The following ZNF227 variants were observed in gnomAD, a reference collection of about 807,000 sequenced individuals.
ZNF227 encodes zinc finger protein 227.
A neutral mutation model predicts 13.2 loss-of-function variants in ZNF227; 12 were observed. The ratio of observed to expected loss-of-function variants is 0.91; its 90% CI spans 0.58 to 1.47. ZNF227 has a LOEUF of 1.47. Among genes scored for constraint, ZNF227 ranks in the 40% most tolerant of loss-of-function variants. The pLI is 0.00. For missense variants in ZNF227, 885 were observed against 967.5 expected, an observed-to-expected ratio of 0.91 and a Z score of 1.13; for synonymous variants, 338 against 326.0, an observed-to-expected ratio of 1.04 and a Z score of -0.40.
intron 4 of ZNF227, 146 bp downstream of exon 4, chr19:44,228,718 TTTTCTGGTC>T: frequency 9.5e-7 from 1 of 1,050,584 alleles, no homozygotes; most frequent in Non-Finnish European, 1.3e-6. Flanking sequence ...CAGGATAGGT[TTTTCTGGTC>T]TTTCTGCTCA....
intron 3 of ZNF227, among the ~76,000 whole-genome samples, chr19:44,227,595 A>G (rs997019892): frequency 6.6e-6 from 1 of 152,204 alleles, no homozygotes; most frequent in Non-Finnish European, 1.5e-5. Context: ...TCTGTTGCCC[A>G]GGCTGAAGTG....
chr19:44,235,266 G>C lies in ZNF227; in HGVS notation c.836G>C (p.Ser279Thr), dbSNP rs1243705748. ...GTTCATACAGGAGAAAAATGCTTCA[G>C]TCAAAGCTCACATCTGCGAACTCAT... is the stretch of plus-strand genomic sequence containing the variant. Reference protein sequence around the residue: ...PNVHTGEKCFSQSSHLRTHQR... With the variant: ...PNVHTGEKCFTQSSHLRTHQR... Residue 279 changes from serine (S) to threonine (T), a missense_variant, in exon 6 of 6, where the codon AGT becomes ACT. Coordinates refer to ENST00000313040, the MANE Select transcript of ZNF227 (RefSeq NM_182490.3). 1.9e-6 allele frequency: 3 copies of C among 1,614,060 alleles called. No individual in the cohort carries two copies. Among genetic ancestry groups the C allele is most frequent in the Non-Finnish European group, 2.5e-6 (3 of 1,180,006 alleles).
upstream of ZNF227, among the ~76,000 whole-genome samples, chr19:44,209,867 T>A (rs967459431): frequency 2.0e-5 from 3 of 152,352 alleles, no homozygotes; most frequent in South Asian, 4.1e-4. Context: ...ATTACAGGCG[T>A]GAGCCACAGA....
chr19:44,220,955 T>C (rs1013641176), intron 3 of ZNF227, among the ~76,000 whole-genome samples: 51 of 152,208 alleles, frequency 3.4e-4, no homozygotes, highest in African/African-American at 1.2e-3. Flanking sequence ...TGATTTCCAA[T>C]TTCATCCATG....
At chr19:44,214,724 T>C (rs980921054) in intron 2 of ZNF227, among the ~76,000 whole-genome samples, 18 of 152,012 alleles carry the variant, frequency 1.2e-4, no homozygotes, top group African/African-American at 4.3e-4. Flanking sequence ...GTGCAGTGAA[T>C]TCCACGTAAC....
chr19:44,226,947 T>C (rs975186021), intron 3 of ZNF227, among the ~76,000 whole-genome samples: 5 of 152,162 alleles, frequency 3.3e-5, no homozygotes, highest in Non-Finnish European at 2.9e-5. Flanking sequence ...AAAGTAAATA[T>C]TCTATGACTT....
At chr19:44,233,715 G>A (rs1974106235) in intron 5 of ZNF227, among the ~76,000 whole-genome samples, 1 of 152,046 alleles carries the variant, frequency 6.6e-6, no homozygotes, top group Admixed American at 6.6e-5. Flanking sequence ...GGCCAACATG[G>A]CAAAACCCCA....
chr19:44,213,914 T>C (rs1328109758), intron 2 of ZNF227, among the ~76,000 whole-genome samples: 3 of 152,254 alleles, frequency 2.0e-5, no homozygotes, highest in African/African-American at 7.2e-5. Flanking sequence ...AGAGATGCAC[T>C]ATCCAATCCA....
chr19:44,235,800 T>G lies in ZNF227; in HGVS notation c.1370T>G (p.Val457Gly). 1 of 1,612,886 alleles carries G rather than the reference T, an allele frequency of 6.2e-7. No homozygotes were observed. Among genetic ancestry groups the G allele is most frequent in the Non-Finnish European group, 8.5e-7 (1 of 1,179,800 alleles). ...TCACCATTAATATGCCATCGGAGAG[T>G]CCACACAGGAGAGAAGCCATACAAG... Reference protein sequence around the residue: ...HNSPLICHRRVHTGEKPYKCE... With the variant: ...HNSPLICHRRGHTGEKPYKCE... Residue 457 changes from valine (V) to glycine (G), a missense_variant, in exon 6 of 6, where the codon GTC (valine) becomes GGC (glycine). Coordinates refer to ENST00000313040, the MANE Select transcript of ZNF227 (RefSeq NM_182490.3).
chr19:44,219,383 G>A (rs1160290792), intron 3 of ZNF227, among the ~76,000 whole-genome samples: 1 of 152,150 alleles, frequency 6.6e-6, no homozygotes, highest in Non-Finnish European at 1.5e-5. Flanking sequence ...CAGCAAACCG[G>A]TGGCATATAC....
upstream of ZNF227, among the ~76,000 whole-genome samples, chr19:44,210,331 A>G (rs1971309945): frequency 6.6e-6 from 1 of 152,238 alleles, no homozygotes; most frequent in South Asian, 2.1e-4. Flanking sequence ...TAGGGTAGTC[A>G]TGAATCAGGC....
intron 3 of ZNF227, among the ~76,000 whole-genome samples, chr19:44,221,795 T>A (rs1333710907): frequency 6.6e-6 from 1 of 152,248 alleles, no homozygotes; most frequent in Non-Finnish European, 1.5e-5. Context: ...TTTTGGCTTT[T>A]GTTGCCATTG....
rs201425894 is a variant in ZNF227, at chr19:44,233,890, G to GT, written c.272-806dup. ...AGCCTGGGCGACAGAGCGAGACGCT[G>GT]TTTTTTAAAAAAAAAATGGCGTATG... is the stretch of plus-strand genomic sequence containing the variant. On this transcript the variant is annotated intron_variant, in intron 5 of 5. Coordinates refer to ENST00000313040, the MANE Select transcript of ZNF227 (RefSeq NM_182490.3). Among the ~76,000 whole-genome samples, 7 of 151,488 alleles carry GT rather than the reference G, an allele frequency of 4.6e-5. No homozygotes were observed. In the South Asian group the frequency reaches 8.5e-4, roughly 18 times the overall value.
chr19:44,210,425 AAG>A (rs1426289925), upstream of ZNF227, among the ~76,000 whole-genome samples: 3 of 152,220 alleles, frequency 2.0e-5, no homozygotes, highest in Non-Finnish European at 4.4e-5. Context: ...AATGAAGAAA[AAG>A]GGGACAGAAG....
chr19:44,228,853 C>T, intron 4 of ZNF227: 1 of 426,816 alleles, frequency 2.3e-6, no homozygotes. Context: ...GTGCTATTGG[C>T]ATTTTGTGGG....
chr19:44,228,454 G>C lies in ZNF227; in HGVS notation c.69G>C (p.Val23=), dbSNP rs781173187. The C allele has an allele frequency of 6.2e-7, 1 of 1,612,808 alleles. No homozygotes were observed. The highest frequency in any genetic ancestry group is 1.1e-5 in the South Asian group (1 of 90,992). Residue 23 remains valine, a synonymous_variant, in exon 4 of 6, where the codon GTG becomes GTC. Coordinates refer to ENST00000313040, the MANE Select transcript of ZNF227 (RefSeq NM_182490.3). ...TGTGTTTGATATTGTAGGAGGCTGT[G>C]ACATTCAAGGATGTGGCTGTGGTCT... is the stretch of plus-strand genomic sequence containing the variant. The part of the protein sequence containing the change: ...QEKMTKFQEA[V]TFKDVAVVFS...
chr19:44,226,244 G>A (rs564019209), intron 3 of ZNF227, among the ~76,000 whole-genome samples: 2 of 152,334 alleles, frequency 1.3e-5, no homozygotes, highest in Non-Finnish European at 2.9e-5. Context: ...CCCACTTCAG[G>A]AGGCAGTCTG....
At chr19:44,218,145 G>C (rs555134571) in intron 3 of ZNF227, among the ~76,000 whole-genome samples, 77 of 152,204 alleles carry the variant, frequency 5.1e-4, no homozygotes, top group African/African-American at 1.7e-3. Context: ...TGCAATACTT[G>C]AGTAGATGAA....
chr19:44,226,832 A>C (rs1318198183), intron 3 of ZNF227, among the ~76,000 whole-genome samples: 1 of 152,188 alleles, frequency 6.6e-6, no homozygotes, highest in Non-Finnish European at 1.5e-5. Context: ...CCAGTACCTC[A>C]GATGGAAATG....
Sources: gnomAD v4.1 joint callset for allele counts (sites outside exome capture counted in the v4.1 genomes callset) on GRCh38, gnomAD v4.1.1 for gene constraint, MANE v1.5 for transcripts, NCBI Gene and HGNC (gene_info 2026-07-23, HGNC 2026-07-21) for gene names.